Variants in FLVCR2 observed in about 807,000 individuals in gnomAD.
The protein encoded by FLVCR2 is choline/ethanolamine transporter FLVCR2.
In FLVCR2, 38 loss-of-function variants were observed where a neutral mutation model predicts 48.9. That is an observed-to-expected ratio of 0.78 (90% confidence interval 0.60 to 1.02). The LOEUF is 1.02. FLVCR2 is among the 50% of genes least tolerant of loss of function. FLVCR2 has a pLI of 0.00. For missense variants in FLVCR2, 664 were observed against 663.3 expected (o/e 1.00, Z -0.01); for synonymous variants, 255 against 257.0 (o/e 0.99, Z 0.07).
Position 75,641,072 on chromosome 14 carries a change from ATTTCCTGTTTG to A in FLVCR2, c.1341+20_1341+30del. ...ACATATCTGCACAGGTAGAGCTCGT[ATTTCCTGTTTG>A]TTTCCTGGCTGGGAAGGCATTGCAT... On this transcript the variant is annotated intron_variant, in intron 7 of 9. Transcript: ENST00000238667. 6.2e-7 allele frequency: 1 copy of A among 1,604,674 alleles called. No homozygotes were observed. The highest frequency in any genetic ancestry group is 1.3e-5 in the African/African-American group (1 of 74,826).
chr14:75,633,604 T>A (rs746245889), intron 3 of FLVCR2, 25 bp from the exon 4 acceptor site: 3 of 1,598,746 alleles, frequency 1.9e-6, no homozygotes, highest in African/African-American at 1.3e-5. Flanking sequence ...GACCCTAATG[T>A]TGTATTTCTC....
At chr14:75,617,484 T>A (rs537963165) in intron 1 of FLVCR2, among the ~76,000 whole-genome samples, 1 of 152,340 alleles carries the variant, frequency 6.6e-6, no homozygotes, top group African/African-American at 2.4e-5. Flanking sequence ...CACCCTCTAT[T>A]GGGATGAAGT....
chr14:75,623,820 G>A (rs1049223273), intron 2 of FLVCR2, among the ~76,000 whole-genome samples: 13 of 152,120 alleles, frequency 8.5e-5, no homozygotes, highest in African/African-American at 3.1e-4. Context: ...GGAGGCAAAG[G>A]TGGGTGGATC....
intron 3 of FLVCR2, among the ~76,000 whole-genome samples, chr14:75,631,334 T>G (rs1293312083): frequency 6.6e-6 from 1 of 152,146 alleles, no homozygotes; most frequent in Non-Finnish European, 1.5e-5. Flanking sequence ...AAATGCAAAT[T>G]GCCGGGGGCC....
At chr14:75,592,155 A>ATC (rs1789518137) in intron 1 of FLVCR2, among the ~76,000 whole-genome samples, 1 of 151,988 alleles carries the variant, frequency 6.6e-6, no homozygotes, top group African/African-American at 2.4e-5. Flanking sequence ...CTGATACATC[A>ATC]TCTGAAATCT....
intron 3 of FLVCR2, among the ~76,000 whole-genome samples, chr14:75,625,062 T>C (rs1463021053): frequency 2.1e-5 from 3 of 141,090 alleles, no homozygotes; most frequent in Non-Finnish European, 4.6e-5. Context: ...TCCTTGTACA[T>C]CTTAACACCT....
chr14:75,587,317 T>C (rs902509113), intron 1 of FLVCR2, among the ~76,000 whole-genome samples: 1 of 152,064 alleles, frequency 6.6e-6, no homozygotes, highest in African/African-American at 2.4e-5. Flanking sequence ...GCATCAAGCA[T>C]ACATGTAAAA....
chr14:75,616,559 A>G (rs556743560), intron 1 of FLVCR2, among the ~76,000 whole-genome samples: 1 of 152,282 alleles, frequency 6.6e-6, no homozygotes, highest in East Asian at 1.9e-4. Flanking sequence ...ACTCAGCACT[A>G]GGAAGATAGC....
At chr14:75,617,356 C>T (rs1261645521) in intron 1 of FLVCR2, among the ~76,000 whole-genome samples, 2 of 152,222 alleles carry the variant, frequency 1.3e-5, no homozygotes, top group East Asian at 3.9e-4. Flanking sequence ...ACTGACATTA[C>T]AGTAGCATTT....
chr14:75,579,463 G>C lies in FLVCR2; in HGVS notation c.491G>C (p.Gly164Ala). The change falls in exon 1 of 10, where the codon GGG (glycine) becomes GCG (alanine). Residue 164 changes from glycine (G) to alanine (A), a missense_variant. Transcript: ENST00000238667. ...ACTGGCTCGGCTCTCAACTGCCTGGGGGCCTGGGTGAAGCTGGGCAGCCTG... is the reference window on the plus strand; with the variant it reads ...ACTGGCTCGGCTCTCAACTGCCTGGCGGCCTGGGTGAAGCTGGGCAGCCTG... ...ALTGSALNCL[G>A]AWVKLGSLKP... The C allele has an allele frequency of 6.2e-7, 1 of 1,613,674 alleles. No homozygotes were observed. Among genetic ancestry groups the C allele is most frequent in the South Asian group, 1.1e-5 (1 of 91,078 alleles).
intron 4 of FLVCR2, 93 bp downstream of exon 4, chr14:75,633,789 C>A: frequency 3.2e-6 from 3 of 951,024 alleles, no homozygotes; most frequent in Non-Finnish European, 5.2e-6. Context: ...AGTCTTCATT[C>A]CCCCCAGTTC....
intron 1 of FLVCR2, among the ~76,000 whole-genome samples, chr14:75,600,743 AC>A: frequency 6.6e-6 from 1 of 152,342 alleles, no homozygotes; most frequent in South Asian, 2.1e-4. Flanking sequence ...TCAATGTAAA[AC>A]TTTAATGCAT....
intron 3 of FLVCR2, chr14:75,632,617 G>T (rs1458883939): frequency 1.4e-6 from 1 of 702,198 alleles, no homozygotes; most frequent in African/African-American, 1.7e-5. Context: ...CTATGGATTG[G>T]TTCCATTGAA....
intron 1 of FLVCR2, among the ~76,000 whole-genome samples, chr14:75,607,994 C>T (rs963288574): frequency 3.9e-5 from 6 of 152,122 alleles, no homozygotes; most frequent in African/African-American, 1.4e-4. Flanking sequence ...CACTTGAGCC[C>T]AGGAGTTTGA....
Position 75,605,512 on chromosome 14 carries a change from C to T in FLVCR2, c.670-16567C>T, listed in dbSNP as rs187221308. The T allele has an allele frequency of 5.3e-5, 81 of 1,531,618 alleles. No homozygotes were observed. The African/African-American group carries it at 9.9e-4, about 19-fold the overall frequency. 94.9% of individuals were successfully genotyped at this position (1,531,618 alleles called of 1,614,324 possible). A position where few individuals can be genotyped will look rare whatever the true frequency, so the allele number is the denominator to read the frequency against. On this transcript the variant is annotated intron_variant, in intron 1 of 9. Transcript: ENST00000238667. ...GGCATCTTTCCTTTTTCATGCTGTG[C>T]AAAAACTTGAGCTCAGCCTCTCACC... is the stretch of plus-strand genomic sequence containing the variant.
chr14:75,586,419 A>G (rs921294234), intron 1 of FLVCR2, among the ~76,000 whole-genome samples: 1 of 152,206 alleles, frequency 6.6e-6, no homozygotes, highest in Non-Finnish European at 1.5e-5. Flanking sequence ...GTGGATCTTC[A>G]GTTGCTTCAG....
At chr14:75,580,354 G>C (rs926532677) in intron 1 of FLVCR2, among the ~76,000 whole-genome samples, 1 of 152,232 alleles carries the variant, frequency 6.6e-6, no homozygotes, top group African/African-American at 2.4e-5. Context: ...TTGTGAACCT[G>C]AATGCCGTCT....
intron 3 of FLVCR2, chr14:75,632,861 C>T (rs1038521798): frequency 4.3e-6 from 3 of 702,306 alleles, no homozygotes; most frequent in Non-Finnish European, 7.8e-6. Context: ...CTAGAGTTGT[C>T]ATAAAGTGTC....
At chr14:75,593,236 C>T (rs1451832506) in intron 1 of FLVCR2, among the ~76,000 whole-genome samples, 9 of 152,186 alleles carry the variant, frequency 5.9e-5, no homozygotes, top group Non-Finnish European at 8.8e-5. Flanking sequence ...ATCTTTATGG[C>T]ACAACCCCAC....
Sources: gnomAD v4.1 joint callset for allele counts (sites outside exome capture counted in the v4.1 genomes callset) on GRCh38, gnomAD v4.1.1 for gene constraint, MANE v1.5 for transcripts, NCBI Gene and HGNC (gene_info 2026-07-23, HGNC 2026-07-21) for gene names.